Variants in WDFY3 observed in about 807,000 individuals in gnomAD.
WDFY3 encodes WD repeat and FYVE domain-containing protein 3.
In WDFY3, 66 loss-of-function variants were observed where a neutral mutation model predicts 409.6. That is an observed-to-expected ratio of 0.16 (90% CI 0.13 to 0.20). The LOEUF is 0.20. WDFY3 is among the 10% of genes least tolerant of loss of function. The pLI is 1.00. For missense variants in WDFY3, 3,031 were observed against 4,298.1 expected (o/e 0.71, Z 8.24); for synonymous variants, 1,521 against 1,537.1 (o/e 0.99, Z 0.25).
At chr4:84,792,090 G>C (rs568022109) in intron 21 of WDFY3, among the ~76,000 whole-genome samples, 16 of 152,110 alleles carry the variant, frequency 1.1e-4, no homozygotes, top group Non-Finnish European at 2.2e-4. Flanking sequence ...TAAATATACT[G>C]AAAGTAAAAT....
At chr4:84,850,096 T>G in intron 4 of WDFY3, 71 bp from the exon 5 acceptor site, 1 of 1,497,922 alleles carries the variant, frequency 6.7e-7, no homozygotes, top group South Asian at 1.4e-5. Context: ...AATTTTCAAG[T>G]GTGGTATGAC....
intron 13 of WDFY3, among the ~76,000 whole-genome samples, chr4:84,813,199 T>C (rs193177027): frequency 6.6e-6 from 1 of 152,144 alleles, no homozygotes; most frequent in African/African-American, 2.4e-5. Flanking sequence ...CAATTCTGAA[T>C]GAAGTAAAAA....
chr4:84,904,575 A>G (rs1236951434), intron 2 of WDFY3, among the ~76,000 whole-genome samples: 1 of 152,190 alleles, frequency 6.6e-6, no homozygotes, highest in Non-Finnish European at 1.5e-5. Flanking sequence ...ACGTTTTAAT[A>G]TAAACTAATA....
Position 84,678,272 on chromosome 4 carries a change from T to A in WDFY3, c.10155A>T (p.Arg3385=). The change falls in exon 66 of 68, where the codon CGA becomes CGT. Residue 3385 remains arginine (R), a synonymous_variant. Coordinates refer to ENST00000295888, the MANE Select transcript of WDFY3 (RefSeq NM_014991.6). The part of the protein sequence containing the change: ...RNYSRLKPGY[R]WERQLVFRSK... ...TCCTGAACACCAGCTGCCGTTCCCATCGGTACCCTGGAATGGAGAAGTGGA... is the reference window on the plus strand; with the variant it reads ...TCCTGAACACCAGCTGCCGTTCCCAACGGTACCCTGGAATGGAGAAGTGGA... The A allele has an allele frequency of 6.2e-7, 1 of 1,613,632 alleles. No homozygotes were observed.
rs1579197155 is a variant in WDFY3 at position 84,935,444 on chromosome 4, C to T, written c.-225-3081G>A. Among the ~76,000 whole-genome samples, 4 of 152,278 alleles carry T rather than the reference C, an allele frequency of 2.6e-5. No individual in the cohort carries two copies. The South Asian group carries it at 8.3e-4, about 32-fold the overall frequency. On this transcript the variant is annotated intron_variant, in intron 1 of 67. Coordinates refer to ENST00000295888, the MANE Select transcript of WDFY3 (RefSeq NM_014991.6). ...TAATTGTGGTCTTAGTTCGCACTTC[C>T]TTGTCAATTAATGATGCTGAGTATT...
At chr4:84,920,673 CTTTTA>C (rs1266813229) in intron 2 of WDFY3, among the ~76,000 whole-genome samples, 2 of 152,126 alleles carry the variant, frequency 1.3e-5, no homozygotes, top group Non-Finnish European at 2.9e-5. Context: ...TCTGTTCCTT[CTTTTA>C]TAATTCCTAC....
In WDFY3 at chr4:84,738,992, C is replaced by T. The variant is rs1737947545; in HGVS notation, c.6574+18G>A. The stretch of plus-strand genomic sequence containing the variant: ...AAAACAACCACAATTTAAAAACATC[C>T]CAAGTCAAGGCAATTACCTTCACTA... On this transcript the variant is annotated intron_variant, in intron 40 of 67. Coordinates refer to ENST00000295888, the MANE Select transcript of WDFY3 (RefSeq NM_014991.6). 1 of 1,610,984 alleles carries T rather than the reference C, an allele frequency of 6.2e-7. No individual in the cohort carries two copies. Among genetic ancestry groups the T allele is most frequent in the Non-Finnish European group, 8.5e-7 (1 of 1,177,812 alleles).
intron 1 of WDFY3, among the ~76,000 whole-genome samples, chr4:84,945,107 C>T (rs956287819): frequency 1.5e-4 from 23 of 152,232 alleles, no homozygotes; most frequent in Admixed American, 1.4e-3. Flanking sequence ...AATACAAAGC[C>T]TCTTAGTAAT....
chr4:84,928,358 C>T (rs961857716), intron 2 of WDFY3, among the ~76,000 whole-genome samples: 7 of 152,208 alleles, frequency 4.6e-5, no homozygotes. Flanking sequence ...CTACCAGCTT[C>T]CCTGGTTCTC....
chr4:84,917,336 C>T (rs1768642060), intron 2 of WDFY3, among the ~76,000 whole-genome samples: 1 of 152,118 alleles, frequency 6.6e-6, no homozygotes, highest in Non-Finnish European at 1.5e-5. Context: ...CTGGTCCAAA[C>T]CTTCCTCTTT....
Position 84,810,117 on chromosome 4 carries a change from G to C in WDFY3, c.2115C>G (p.Phe705Leu). 1 of 1,614,160 alleles carries C rather than the reference G, an allele frequency of 6.2e-7. No homozygotes were observed. Among genetic ancestry groups the C allele is most frequent in the Non-Finnish European group, 8.5e-7 (1 of 1,180,014 alleles). The change falls in exon 14 of 68, where the codon TTC becomes TTG. Residue 705 changes from phenylalanine to leucine, a missense_variant. Coordinates refer to ENST00000295888, the MANE Select transcript of WDFY3 (RefSeq NM_014991.6). ...AMRYEPANSH[F>L]FKTEIQYEKL... The stretch of plus-strand genomic sequence containing the variant: ...TCTCATACTGAATCTCTGTTTTGAA[G>C]AAATGAGAGTTGGCTGGCTCATAGC...
intron 1 of WDFY3, among the ~76,000 whole-genome samples, chr4:84,938,126 A>C (rs1249983171): frequency 1.3e-5 from 2 of 152,090 alleles, no homozygotes. Context: ...CTATGAGGGC[A>C]ATGGTTTTGT....
chr4:84,685,039 C>T (rs761837816), intron 62 of WDFY3, among the ~76,000 whole-genome samples: 78 of 152,204 alleles, frequency 5.1e-4, no homozygotes, highest in Non-Finnish European at 9.1e-4. Flanking sequence ...AGATTTGAAG[C>T]CAGCTTTCTA....
At chr4:84,693,084 C>T in intron 58 of WDFY3, 52 bp from the exon 59 acceptor site, 2 of 1,550,012 alleles carry the variant, frequency 1.3e-6, no homozygotes, top group Non-Finnish European at 8.8e-7. Flanking sequence ...CACTTATAAG[C>T]CCTTTTATAT....
chr4:84,776,026 C>T (rs1020597800), intron 27 of WDFY3, among the ~76,000 whole-genome samples: 3 of 151,758 alleles, frequency 2.0e-5, no homozygotes, highest in Admixed American at 6.6e-5. Flanking sequence ...ATAAAGAATG[C>T]TATAAATACT....
rs145958153 is a variant in WDFY3, at chr4:84,782,649, G to C, written c.4174+314C>G. Among the ~76,000 whole-genome samples the C allele has an allele frequency of 9.2e-5, 14 of 152,266 alleles. No individual in the cohort carries two copies. In the East Asian group the frequency reaches 2.7e-3, roughly 29 times the overall value. On this transcript the variant is annotated intron_variant, in intron 25 of 67. Coordinates refer to ENST00000295888, the MANE Select transcript of WDFY3 (RefSeq NM_014991.6). Reference sequence around the variant, plus strand: ...GAGACTATGCAACATTTGGTTTTCTGTTCTTGTGTTAGTTTGCTGAGGATG... The same window carrying C: ...GAGACTATGCAACATTTGGTTTTCTCTTCTTGTGTTAGTTTGCTGAGGATG...
chr4:84,889,498 A>T (rs575182498), intron 3 of WDFY3, among the ~76,000 whole-genome samples: 1 of 152,094 alleles, frequency 6.6e-6, no homozygotes, highest in African/African-American at 2.4e-5. Context: ...ATATGTGATT[A>T]AAAAAAATTC....
chr4:84,925,016 A>C (rs191148878), intron 2 of WDFY3, among the ~76,000 whole-genome samples: 2 of 152,310 alleles, frequency 1.3e-5, no homozygotes, highest in African/African-American at 4.8e-5. Context: ...TTCCAGTAGC[A>C]GTTAAGCTCA....
intron 3 of WDFY3, among the ~76,000 whole-genome samples, chr4:84,865,067 T>C (rs1167580790): frequency 6.6e-6 from 1 of 152,060 alleles, no homozygotes; most frequent in Non-Finnish European, 1.5e-5. Context: ...TTTTGTATTT[T>C]TTGTAGAGAC....
Sources: gnomAD v4.1 joint callset for allele counts (sites outside exome capture counted in the v4.1 genomes callset) on GRCh38, gnomAD v4.1.1 for gene constraint, MANE v1.5 for transcripts, NCBI Gene and HGNC (gene_info 2026-07-23, HGNC 2026-07-21) for gene names.